The following DNAJC16 variants were observed in gnomAD, a reference collection of about 807,000 sequenced individuals.
DNAJC16 encodes the protein DnaJ heat shock protein family (Hsp40) member C16.
In DNAJC16, 76 loss-of-function variants were observed where a neutral mutation model predicts 92.7. That is an observed-to-expected ratio of 0.82 (90% CI 0.68 to 0.99). DNAJC16 has a LOEUF of 0.99. Ranked by LOEUF, DNAJC16 falls within the 50% of genes least tolerant of loss-of-function variation. DNAJC16 has a pLI of 0.00. For synonymous variants in DNAJC16, 328 were observed against 358.7 expected (o/e 0.91, Z 0.97); for missense variants, 869 against 942.4 (o/e 0.92, Z 1.02).
At chr1:15,567,368 A>T (rs988768458) in intron 14 of DNAJC16, 99 bp downstream of exon 14, 1 of 1,237,334 alleles carries the variant, frequency 8.1e-7, no homozygotes, top group Non-Finnish European at 1.1e-6. Flanking sequence ...GTGGGGCTTC[A>T]TCCATACAGC....
At position 15,570,556 on chromosome 1, in the gene DNAJC16, T is replaced by G. The variant is rs1280927682; in HGVS notation, c.*2379T>G. ...TATCTCTTCAAGTCATCTTTTGATC[T>G]TTTAAAAAGCACCTTCAAACAGCTG... On this transcript the variant is annotated 3_prime_UTR_variant, in exon 15 of 15. Coordinates refer to ENST00000375847, the MANE Select transcript of DNAJC16 (RefSeq NM_015291.4). 1.3e-5 allele frequency: 2 copies of G among 152,268 alleles called. No homozygotes were observed. Among genetic ancestry groups the G allele is most frequent in the Non-Finnish European group, 2.9e-5 (2 of 68,030 alleles). The allele number at this position is 152,268 out of a possible 1,614,324, so 9.4% of individuals were successfully genotyped here.
chr1:15,563,992 T>C lies in DNAJC16; in HGVS notation c.1402T>C (p.Trp468Arg). Residue 468 changes from tryptophan (W) to arginine (R), a missense_variant, in exon 10 of 15, where the codon TGG becomes CGG. Physicochemically the swap from Trp to Arg is moderately radical, Grantham distance 101. Transcript: ENST00000375847. ...GGTGTATAAAACCCTGGAAGACCCT[T>C]GGATTGGGAGTGAGAGTGACAAATT... ...RVVYKTLEDP[W>R]IGSESDKFIL... is the part of the protein sequence containing the mutation. The C allele has an allele frequency of 6.2e-7, 1 of 1,614,176 alleles. No individual in the cohort carries two copies. Among genetic ancestry groups the C allele is most frequent in the Non-Finnish European group, 8.5e-7 (1 of 1,180,034 alleles).
At chr1:15,565,568 C>G (rs1207667736) in intron 11 of DNAJC16, 1 of 233,498 alleles carries the variant, frequency 4.3e-6, no homozygotes, top group African/African-American at 2.3e-5. Context: ...AGAAAAAAAT[C>G]AGTAAAGTTG....
intron 4 of DNAJC16, among the ~76,000 whole-genome samples, chr1:15,539,065 A>T (rs995356840): frequency 6.6e-6 from 1 of 152,028 alleles, no homozygotes; most frequent in Admixed American, 6.6e-5. Context: ...GCTTAGTGAG[A>T]GCTGTTTGGC....
intron 7 of DNAJC16, among the ~76,000 whole-genome samples, chr1:15,553,266 C>T (rs1052675689): frequency 6.6e-6 from 1 of 151,384 alleles, no homozygotes; most frequent in Non-Finnish European, 1.5e-5. Context: ...TGGAGTTTCA[C>T]TCTTGTTGCC....
rs778154704 is a variant in DNAJC16, at chr1:15,567,289, CATGT to C, written c.1949+29_1949+32del. The C allele has an allele frequency of 1.1e-5, 18 of 1,600,712 alleles. No individual in the cohort carries two copies. Among genetic ancestry groups the C allele is most frequent in the African/African-American group, 5.4e-5 (4 of 74,664 alleles). On this transcript the variant is annotated intron_variant, in intron 14 of 14. Coordinates refer to ENST00000375847, the MANE Select transcript of DNAJC16 (RefSeq NM_015291.4). The stretch of plus-strand genomic sequence containing the variant: ...TACTGGGTAAGCATGTGTGTGTGTG[CATGT>C]ATGTATGTGTGTGAGAGAGAGAGAG...
intron 3 of DNAJC16, among the ~76,000 whole-genome samples, chr1:15,535,149 CAA>C (rs1557570213): frequency 3.3e-5 from 5 of 152,128 alleles, no homozygotes; most frequent in African/African-American, 1.2e-4. Flanking sequence ...TTTTGTAAAA[CAA>C]AGTAAATTAA....
chr1:15,531,812 T>C (rs1349792999), intron 2 of DNAJC16, among the ~76,000 whole-genome samples: 1 of 152,258 alleles, frequency 6.6e-6, no homozygotes, highest in African/African-American at 2.4e-5. Flanking sequence ...GTTTTGGCTA[T>C]GACAATGCTT....
At chr1:15,543,112 TA>T (rs1322214254) in intron 4 of DNAJC16, among the ~76,000 whole-genome samples, 1 of 152,184 alleles carries the variant, frequency 6.6e-6, no homozygotes. Context: ...ATCAGTGGAC[TA>T]CAAAGGGATC....
At chr1:15,546,234 G>T (rs1005272757) in intron 5 of DNAJC16, among the ~76,000 whole-genome samples, 2 of 152,098 alleles carry the variant, frequency 1.3e-5, no homozygotes, top group South Asian at 2.1e-4. Context: ...GATCCTGGGA[G>T]GTTTGGGAGG....
In DNAJC16 at chr1:15,563,272, TA is replaced by T. The variant is rs1242874242; in HGVS notation, c.1339-655del. ...GGCCGAACGCGGTGGCTCACACCTATAATCCCAGCACTTTGGGAGGCCGAGG... is the reference window on the plus strand; with the variant it reads ...GGCCGAACGCGGTGGCTCACACCTATATCCCAGCACTTTGGGAGGCCGAGG... On this transcript the variant is annotated intron_variant, in intron 9 of 14. Transcript: ENST00000375847. 6.6e-5 allele frequency among the ~76,000 whole-genome samples: 10 copies of T among 152,244 alleles called. No homozygotes were observed. In the East Asian group the frequency reaches 1.9e-3, roughly 29 times the overall value.
At chr1:15,565,710 T>C (rs12085624) in intron 11 of DNAJC16, 151 of 595,662 alleles carry the variant, frequency 2.5e-4, no homozygotes, top group African/African-American at 2.5e-3. Context: ...AATCAAACTT[T>C]TAGAATAAGC....
chr1:15,560,265 G>A (rs1160201314), intron 8 of DNAJC16: 1 of 152,192 alleles, frequency 6.6e-6, no homozygotes, highest in African/African-American at 2.4e-5. Context: ...GGGATAGACT[G>A]GGTCACTTTA....
rs1638850644 is a variant in DNAJC16, at chr1:15,567,669, C to T, written c.1950-109C>T. On this transcript the variant is annotated intron_variant, in intron 14 of 14. Transcript: ENST00000375847. ...TTTTTCTCTGTGTTCAGGCCCCATC[C>T]AACACAAAGCGTTTTCCTATTATTT... The T allele has an allele frequency of 6.5e-6, 8 of 1,235,680 alleles. No homozygotes were observed. The South Asian group carries it at 1.2e-4, about 18-fold the overall frequency. The allele number at this position is 1,235,680 out of a possible 1,614,324, so 76.5% of individuals were successfully genotyped here.
rs770338695 is a variant in DNAJC16 at position 15,564,059 on chromosome 1, C to T, written c.1469C>T (p.Ala490Val). ...CTCGACCAGCTGCGTAAAGATCCAG[C>T]TCTTCTGTCCTCTGAAGCAGTGCTT... Reference protein sequence around the residue: ...GYLDQLRKDPALLSSEAVLPD... With the variant: ...GYLDQLRKDPVLLSSEAVLPD... The change falls in exon 10 of 15, where the codon GCT becomes GTT. Residue 490 changes from alanine to valine, a missense_variant. Coordinates refer to ENST00000375847, the MANE Select transcript of DNAJC16 (RefSeq NM_015291.4). 1.1e-5 allele frequency: 18 copies of T among 1,613,844 alleles called. No homozygotes were observed. The highest frequency in any genetic ancestry group is 1.5e-5 in the Non-Finnish European group (18 of 1,179,678).
At chr1:15,555,543 C>T (rs1164052018) in intron 7 of DNAJC16, among the ~76,000 whole-genome samples, 6 of 148,276 alleles carry the variant, frequency 4.0e-5, no homozygotes, top group Admixed American at 2.7e-4. Flanking sequence ...ATTACCTGGG[C>T]GCGGTGGTAG....
chr1:15,547,801 A>G (rs1035577254), intron 6 of DNAJC16, among the ~76,000 whole-genome samples: 1 of 151,952 alleles, frequency 6.6e-6, no homozygotes, highest in East Asian at 1.9e-4. Context: ...TAACCCACCC[A>G]AGTTCTCACT....
Position 15,568,864 on chromosome 1 carries a change from G to A in DNAJC16, c.*687G>A, listed in dbSNP as rs1189501691. The A allele has an allele frequency of 5.0e-6, 2 of 396,590 alleles. No individual in the cohort carries two copies. The highest frequency in any genetic ancestry group is 2.1e-5 in the African/African-American group (1 of 48,628). The allele number at this position is 396,590 out of a possible 1,614,324, so 24.6% of individuals were successfully genotyped here. A position where few individuals can be genotyped will look rare whatever the true frequency, so the allele number is the denominator to read the frequency against. On this transcript the variant is annotated 3_prime_UTR_variant, in exon 15 of 15. Coordinates refer to ENST00000375847, the MANE Select transcript of DNAJC16 (RefSeq NM_015291.4). ...GCTGAGCAGTGGCTGAAGCGATGCA[G>A]CCTTGAGACACGCTGTGAGCATCCC...
At chr1:15,564,983 C>T (rs1259963022) in intron 11 of DNAJC16, among the ~76,000 whole-genome samples, 1 of 150,208 alleles carries the variant, frequency 6.7e-6, no homozygotes, top group Non-Finnish European at 1.5e-5. Context: ...TACAGGCACC[C>T]ACCACCATGC....
Sources: gnomAD v4.1 joint callset for allele counts (sites outside exome capture counted in the v4.1 genomes callset) on GRCh38, gnomAD v4.1.1 for gene constraint, MANE v1.5 for transcripts, NCBI Gene and HGNC (gene_info 2026-07-23, HGNC 2026-07-21) for gene names.